Variants in TBC1D9B observed in about 807,000 individuals in gnomAD.
The protein encoded by TBC1D9B is TBC1 domain family member 9B.
Under a neutral mutation model 121.1 loss-of-function variants are expected in TBC1D9B, and 87 were observed. The observed-to-expected ratio is 0.72, with a 90% confidence interval of 0.60 to 0.86. The LOEUF (loss-of-function observed/expected upper bound fraction) is 0.86, where lower values mean the gene tolerates loss of function less well. TBC1D9B is among the 40% of genes least tolerant of loss of function. The pLI is 0.00. For synonymous variants in TBC1D9B, 668 were observed against 670.1 expected (o/e 1.00, Z 0.05); for missense variants, 1,540 against 1,628.6 (o/e 0.95, Z 0.94).
rs944583247 is a variant in TBC1D9B, at chr5:179,904,294, G to A, written c.229+408C>T. Among the ~76,000 whole-genome samples, 4 of 145,088 alleles carry A rather than the reference G, an allele frequency of 2.8e-5. No individual in the cohort carries two copies. The highest frequency in any genetic ancestry group is 7.7e-5 in the African/African-American group (3 of 38,822). On this transcript the variant is annotated intron_variant, in intron 2 of 20. Coordinates refer to ENST00000355235, the MANE Select transcript of TBC1D9B (RefSeq NM_015043.4). This position sits in a 1 kb window ranked among gnomAD's most constrained non-coding sequence, Gnocchi z 4.2. ...GGCTGGAGTGCAGTGGCGCGATCTC[G>A]GCTCACTGCAAGCTCCGCCTCCCGG...
At chr5:179,901,030 GGGACTGA>G (rs1761152045) in intron 2 of TBC1D9B, among the ~76,000 whole-genome samples, 1 of 152,100 alleles carries the variant, frequency 6.6e-6, no homozygotes, top group South Asian at 2.1e-4. Context: ...TGTTCTGCTT[GGGACTGA>G]TTTGTTTGCT....
At chr5:179,895,427 A>G (rs1386444465) in intron 3 of TBC1D9B, among the ~76,000 whole-genome samples, 2 of 151,992 alleles carry the variant, frequency 1.3e-5, no homozygotes, top group African/African-American at 4.8e-5. Context: ...TTCTCTTATC[A>G]CATCCTGGAG....
chr5:179,877,869 G>A (rs1760405402), intron 10 of TBC1D9B, among the ~76,000 whole-genome samples: 1 of 152,136 alleles, frequency 6.6e-6, no homozygotes, highest in Non-Finnish European at 1.5e-5. Context: ...TCATAGCAAT[G>A]GAAAGTAGAA....
At chr5:179,886,400 T>C (rs1248548725) in intron 7 of TBC1D9B, among the ~76,000 whole-genome samples, 1 of 152,122 alleles carries the variant, frequency 6.6e-6, no homozygotes, top group Non-Finnish European at 1.5e-5. Flanking sequence ...TGGTGCTTAC[T>C]CAGCTTTCAG....
chr5:179,882,677 C>T lies in TBC1D9B; in HGVS notation c.1255-2888G>A, dbSNP rs148909562. Reference sequence around the variant, plus strand: ...TGGCCAACATGGTGAAATCTCAACCCCATCTCTACAAAAAATACAAAAATT... The same window carrying T: ...TGGCCAACATGGTGAAATCTCAACCTCATCTCTACAAAAAATACAAAAATT... On this transcript the variant is annotated intron_variant, in intron 7 of 20. Transcript: ENST00000355235. Among the ~76,000 whole-genome samples the T allele has an allele frequency of 3.1e-3, 478 of 152,138 alleles. 3 individuals carry two copies. Among genetic ancestry groups the T allele is most frequent in the African/African-American group, 0.011 (442 of 41,514 alleles).
At position 179,887,585 on chromosome 5, in the gene TBC1D9B, CAT is replaced by C. The variant is rs557305334; in HGVS notation, c.1254+516_1254+517del. 1.5e-3 allele frequency: 251 copies of C among 164,866 alleles called. 1 individual carries two copies. Among genetic ancestry groups the C allele is most frequent in the African/African-American group, 5.5e-3 (228 of 41,644 alleles). 10.2% of individuals were successfully genotyped at this position (164,866 alleles called of 1,614,324 possible). A position where few individuals can be genotyped will look rare whatever the true frequency, so the allele number is the denominator to read the frequency against. On this transcript the variant is annotated intron_variant, in intron 7 of 20. Coordinates refer to ENST00000355235, the MANE Select transcript of TBC1D9B (RefSeq NM_015043.4). The stretch of plus-strand genomic sequence containing the variant: ...TAAGAGACCTATCAACCAAGAGTGA[CAT>C]GTGTGACTTTCGTCTGCCTCAGTTC...
intron 16 of TBC1D9B, 74 bp from the exon 17 acceptor site, chr5:179,869,908 C>T: frequency 7.2e-7 from 1 of 1,394,192 alleles, no homozygotes; most frequent in Non-Finnish European, 9.7e-7. Context: ...CCGAGTAGGA[C>T]CCTCTTCACA....
In TBC1D9B at chr5:179,907,814, A is replaced by G; in HGVS notation, c.8T>C (p.Leu3Pro). MW[L>P]SPEEVLVANA... is the part of the protein sequence containing the mutation. ...GGCCACCAGCACCTCCTCCGGGCTC[A>G]GCCACATCGCGGAGCCGCTCGCACC... Residue 3 changes from leucine to proline, a missense_variant, in exon 1 of 21, where the codon CTG (leucine) becomes CCG (proline). Leu to Pro is a moderately conservative substitution (Grantham distance 98). Coordinates refer to ENST00000355235, the MANE Select transcript of TBC1D9B (RefSeq NM_015043.4). The surrounding 1 kb of genome is among the most constrained non-coding windows in gnomAD (Gnocchi z 5.3). 8.4e-7 allele frequency: 1 copy of G among 1,186,934 alleles called. No homozygotes were observed. The allele number at this position is 1,186,934 out of a possible 1,614,324, so 73.5% of individuals were successfully genotyped here. A position where few individuals can be genotyped will look rare whatever the true frequency, so the allele number is the denominator to read the frequency against.
intron 3 of TBC1D9B, among the ~76,000 whole-genome samples, chr5:179,897,242 A>G (rs1434843428): frequency 6.6e-6 from 1 of 151,020 alleles, no homozygotes; most frequent in African/African-American, 2.4e-5. Flanking sequence ...AAGGCTTTAA[A>G]TTTCCTTCTG....
rs759112410 is a variant in TBC1D9B at position 179,865,398 on chromosome 5, T to C, written c.2915-38A>G. On this transcript the variant is annotated intron_variant, in intron 19 of 20. Coordinates refer to ENST00000355235, the MANE Select transcript of TBC1D9B (RefSeq NM_015043.4). The surrounding 1 kb of genome is among the most constrained non-coding windows in gnomAD (Gnocchi z 5.1). ...AGGAAAGAGATTAATCTTTGTCATG[T>C]GAGACGGCTGCGGGCTGACAGCAGG... 1 of 1,593,308 alleles carries C rather than the reference T, an allele frequency of 6.3e-7. No homozygotes were observed. The highest frequency in any genetic ancestry group is 8.6e-7 in the Non-Finnish European group (1 of 1,161,418).
At position 179,899,257 on chromosome 5, in the gene TBC1D9B, A is replaced by G; in HGVS notation, c.280T>C (p.Leu94=). 1 of 1,614,148 alleles carries G rather than the reference A, an allele frequency of 6.2e-7. No individual in the cohort carries two copies. Among genetic ancestry groups the G allele is most frequent in the Non-Finnish European group, 8.5e-7 (1 of 1,180,010 alleles). The change falls in exon 3 of 21, where the codon TTG becomes CTG. Residue 94 remains leucine, a synonymous_variant. Transcript: ENST00000355235. Reference sequence around the variant, plus strand: ...TCGAAGATGGACAGTGTCTGGAGCAAGTTATTTTCCAGCCATTCCCAGTGT... The same window carrying G: ...TCGAAGATGGACAGTGTCTGGAGCAGGTTATTTTCCAGCCATTCCCAGTGT... The part of the protein sequence containing the change: ...TKHWEWLENN[L]LQTLSIFDSE...
In TBC1D9B at chr5:179,883,807, G is replaced by A. The variant is rs571559883; in HGVS notation, c.1255-4018C>T. On this transcript the variant is annotated intron_variant, in intron 7 of 20. Transcript: ENST00000355235. Reference sequence around the variant, plus strand: ...AATATCTTTGTACAGGGTGTGATCAGCATCTTTTCCTGTTCTTTCAGCAGG... The same window carrying A: ...AATATCTTTGTACAGGGTGTGATCAACATCTTTTCCTGTTCTTTCAGCAGG... 5.3e-5 allele frequency among the ~76,000 whole-genome samples: 8 copies of A among 150,554 alleles called. No individual in the cohort carries two copies. In the South Asian group the frequency reaches 1.5e-3, roughly 27 times the overall value.
intron 3 of TBC1D9B, 92 bp from the exon 4 acceptor site, chr5:179,894,706 T>TG: frequency 1.5e-6 from 2 of 1,327,788 alleles, no homozygotes; most frequent in Non-Finnish European, 2.1e-6. Context: ...CCAGGACTCA[T>TG]GGACCTTGGT....
chr5:179,907,766 C>T lies in TBC1D9B; in HGVS notation c.56G>A (p.Arg19Gln), dbSNP rs562905893. Residue 19 changes from arginine to glutamine, a missense_variant, in exon 1 of 21, where the codon CGG becomes CAG. Arg to Gln is a conservative substitution (Grantham distance 43). Transcript: ENST00000355235. This position sits in a 1 kb window ranked among gnomAD's most constrained non-coding sequence, Gnocchi z 5.3. ...CTGCAGCACGAAGAAGGGGTTGGCCCGCTCCGTCACCCACAGCGCATTGGC... is the reference window on the plus strand; with the variant it reads ...CTGCAGCACGAAGAAGGGGTTGGCCTGCTCCGTCACCCACAGCGCATTGGC... The part of the protein sequence containing the change: ...LVANALWVTE[R>Q]ANPFFVLQRR... 11 of 1,224,442 alleles carry T rather than the reference C, an allele frequency of 9.0e-6. No individual in the cohort carries two copies. The highest frequency in any genetic ancestry group is 1.6e-5 in the African/African-American group (1 of 61,618). 75.8% of individuals were successfully genotyped at this position (1,224,442 alleles called of 1,614,324 possible). A position where few individuals can be genotyped will look rare whatever the true frequency, so the allele number is the denominator to read the frequency against.
rs1761362936 is a variant in TBC1D9B at position 179,907,649 on chromosome 5, C to T, written c.118+55G>A. ...ACCCGCCCGCCGCCCGCCGCCAGCC[C>T]CGCCGCCAGCCCAGCCGCGGCGCCC... On this transcript the variant is annotated intron_variant, in intron 1 of 20. Coordinates refer to ENST00000355235, the MANE Select transcript of TBC1D9B (RefSeq NM_015043.4). This position sits in a 1 kb window ranked among gnomAD's most constrained non-coding sequence, Gnocchi z 5.3. The T allele has an allele frequency of 1.1e-6, 1 of 924,448 alleles. No individual in the cohort carries two copies. The highest frequency in any genetic ancestry group is 1.8e-5 in the African/African-American group (1 of 55,526). 57.3% of individuals were successfully genotyped at this position (924,448 alleles called of 1,614,324 possible).
intron 10 of TBC1D9B, among the ~76,000 whole-genome samples, chr5:179,876,964 AG>A (rs1303338240): frequency 6.7e-6 from 1 of 150,332 alleles, no homozygotes; most frequent in Non-Finnish European, 1.5e-5. Flanking sequence ...CCAGCTACCC[AG>A]GAGGCTGAAG....
intron 2 of TBC1D9B, among the ~76,000 whole-genome samples, chr5:179,900,039 G>A (rs551631063): frequency 1.4e-4 from 22 of 152,178 alleles, no homozygotes; most frequent in African/African-American, 4.6e-4. Context: ...AGATCAGCCC[G>A]GGCAGCATGG....
chr5:179,889,871 C>CA (rs397883158), intron 6 of TBC1D9B, among the ~76,000 whole-genome samples: 4,106 of 48,422 alleles, frequency 0.085, 302 homozygotes, highest in African/African-American at 0.23. Flanking sequence ...GACCCTGTCT[C>CA]AAAAAAAAAA....
chr5:179,899,865 T>C (rs1298689271), intron 2 of TBC1D9B, among the ~76,000 whole-genome samples: 1 of 152,062 alleles, frequency 6.6e-6, no homozygotes, highest in African/African-American at 2.4e-5. Flanking sequence ...GGCCACCTTC[T>C]TACCTTGTGT....
Sources: allele counts gnomAD v4.1 joint callset (sites outside exome capture counted in the v4.1 genomes callset), GRCh38; gene constraint gnomAD v4.1.1; non-coding constraint Gnocchi (gnomAD v3.1); transcripts MANE v1.5; gene names NCBI Gene and HGNC (gene_info 2026-07-23, HGNC 2026-07-21).